Variants in NFIA observed in about 807,000 individuals in gnomAD.
NFIA encodes nuclear factor I A, also known as nuclear factor 1 A-type.
A neutral mutation model predicts 62.8 loss-of-function variants in NFIA; 8 were observed. The observed-to-expected ratio is 0.13, with a 90% CI of 0.07 to 0.23. The LOEUF is 0.23. Among genes scored for constraint, NFIA ranks in the 10% least tolerant of loss-of-function variants. The pLI, the probability that NFIA is intolerant of heterozygous loss-of-function variation, is 1.00. For missense variants in NFIA, 410 were observed against 642.1 expected (o/e 0.64, Z 3.91); for synonymous variants, 235 against 238.1 (o/e 0.99, Z 0.12).
intron 7 of NFIA, among the ~76,000 whole-genome samples, chr1:61,402,506 A>G (rs1665618739): frequency 6.6e-6 from 1 of 152,196 alleles, no homozygotes; most frequent in Admixed American, 6.5e-5. Flanking sequence ...TGCCAGACTC[A>G]GTTCTGGGGA....
intron 4 of NFIA, among the ~76,000 whole-genome samples, chr1:61,339,097 C>T (rs1661766980): frequency 6.6e-6 from 1 of 152,198 alleles, no homozygotes. Flanking sequence ...AAACTATGTG[C>T]TCGATCAATA....
chr1:61,263,452 G>A (rs536049159), intron 2 of NFIA, among the ~76,000 whole-genome samples: 1 of 152,314 alleles, frequency 6.6e-6, no homozygotes, highest in East Asian at 1.9e-4. Flanking sequence ...CTGCTCGCTT[G>A]TGTTTTACAC....
chr1:61,447,238 C>T (rs1384444854), intron 10 of NFIA, among the ~76,000 whole-genome samples: 1 of 152,186 alleles, frequency 6.6e-6, no homozygotes, highest in African/African-American at 2.4e-5. Context: ...GAGACATTAG[C>T]CAATCATAAA....
chr1:61,222,341 A>G (rs1461842930), intron 2 of NFIA, among the ~76,000 whole-genome samples: 3 of 152,054 alleles, frequency 2.0e-5, no homozygotes, highest in African/African-American at 7.2e-5. Context: ...TTTCCGTTAT[A>G]CCGTTTAGAG....
chr1:61,446,121 TAGAG>T (rs1667798190), intron 10 of NFIA, among the ~76,000 whole-genome samples: 1 of 152,162 alleles, frequency 6.6e-6, no homozygotes, highest in Admixed American at 6.5e-5. Context: ...GTAGTATCCT[TAGAG>T]AGATCTGGTG....
At chr1:61,287,558 A>T (rs901889164) in intron 3 of NFIA, among the ~76,000 whole-genome samples, 3 of 151,966 alleles carry the variant, frequency 2.0e-5, no homozygotes, top group African/African-American at 7.3e-5. Context: ...TAATCCCAGC[A>T]CTTTGGGAGG....
At chr1:61,176,852 C>T (rs1404884864) in intron 2 of NFIA, among the ~76,000 whole-genome samples, 1 of 152,076 alleles carries the variant, frequency 6.6e-6, no homozygotes, top group Non-Finnish European at 1.5e-5. Flanking sequence ...TACCTGTAAT[C>T]CCAGCACTTT....
At chr1:61,125,968 G>A (rs334739) in intron 2 of NFIA, among the ~76,000 whole-genome samples, 143,048 of 152,180 alleles carry the variant, frequency 0.94, 67,338 homozygotes, top group Middle Eastern at 0.97. Context: ...GCAGGAACTC[G>A]TGTTGAGTAC....
At position 61,179,769 on chromosome 1, in the gene NFIA, C is replaced by T. The variant is rs552433642; in HGVS notation, c.559+91089C>T. ...ACTGAGAGTTGCTAACCCTGCTTTG[C>T]ACCAGGTGAGACTGTATTTCCAATA... On this transcript the variant is annotated intron_variant, in intron 2 of 10. Coordinates refer to ENST00000403491, the MANE Select transcript of NFIA (RefSeq NM_001134673.4). Among the ~76,000 whole-genome samples the T allele has an allele frequency of 2.6e-5, 4 of 152,310 alleles. No individual in the cohort carries two copies. In the South Asian group the frequency reaches 8.3e-4, roughly 32 times the overall value.
intron 2 of NFIA, among the ~76,000 whole-genome samples, chr1:61,247,925 CTTTTTTG>C (rs1655754463): frequency 6.6e-6 from 1 of 152,124 alleles, no homozygotes; most frequent in Admixed American, 6.5e-5. Flanking sequence ...TGGTTTTGAG[CTTTTTTG>C]TTTTTTGGTG....
chr1:61,291,803 G>A (rs1052870206), intron 3 of NFIA, among the ~76,000 whole-genome samples: 2 of 152,106 alleles, frequency 1.3e-5, no homozygotes, highest in Non-Finnish European at 2.9e-5. Flanking sequence ...TGAGGTCAGG[G>A]AATAACAATG....
intron 2 of NFIA, among the ~76,000 whole-genome samples, chr1:61,274,334 C>G (rs1344996955): frequency 6.6e-6 from 1 of 152,134 alleles, no homozygotes; most frequent in Non-Finnish European, 1.5e-5. Flanking sequence ...AGGTTGAAGT[C>G]TAAGTTTCCT....
chr1:61,414,340 A>G (rs1423087780), intron 9 of NFIA, among the ~76,000 whole-genome samples: 2 of 152,226 alleles, frequency 1.3e-5, no homozygotes, highest in East Asian at 3.8e-4. Flanking sequence ...GAATAATCCT[A>G]TGAAATAAAT....
chr1:61,250,981 A>T (rs894463573), intron 2 of NFIA: 2 of 152,210 alleles, frequency 1.3e-5, no homozygotes, highest in South Asian at 2.1e-4. Flanking sequence ...AAATCCATAG[A>T]CACAGAAAAA....
At chr1:61,430,610 G>A (rs749814706) in intron 10 of NFIA, among the ~76,000 whole-genome samples, 2 of 151,680 alleles carry the variant, frequency 1.3e-5, no homozygotes, top group Non-Finnish European at 2.9e-5. Flanking sequence ...GAAAGATAAC[G>A]TGGATAATTG....
At chr1:61,406,978 G>A (rs1234257251) in intron 9 of NFIA, among the ~76,000 whole-genome samples, 1 of 152,156 alleles carries the variant, frequency 6.6e-6, no homozygotes, top group Non-Finnish European at 1.5e-5. Flanking sequence ...GTCAAGTTAT[G>A]AGCTATTACA....
At chr1:61,155,501 G>A (rs1157720083) in intron 2 of NFIA, among the ~76,000 whole-genome samples, 5 of 149,884 alleles carry the variant, frequency 3.3e-5, no homozygotes, top group African/African-American at 9.8e-5. Context: ...GTGAAACCCC[G>A]TCTCTACTAA....
chr1:61,132,424 C>T (rs1470834382), intron 2 of NFIA, among the ~76,000 whole-genome samples: 4 of 152,106 alleles, frequency 2.6e-5, no homozygotes, highest in East Asian at 1.9e-4. Context: ...GAGGAAATAC[C>T]GCCATGTCAG....
At chr1:61,315,575 T>C (rs1486026119) in intron 3 of NFIA, among the ~76,000 whole-genome samples, 2 of 152,250 alleles carry the variant, frequency 1.3e-5, no homozygotes, top group African/African-American at 4.8e-5. Flanking sequence ...CTTAATTTTG[T>C]AAAAATGACA....
Sources: allele counts gnomAD v4.1 joint callset (sites outside exome capture counted in the v4.1 genomes callset), GRCh38; gene constraint gnomAD v4.1.1; transcripts MANE v1.5; gene names NCBI Gene and HGNC (gene_info 2026-07-23, HGNC 2026-07-21).